The following ECI1 variants were observed in gnomAD, a reference collection of about 807,000 sequenced individuals.
ECI1 encodes the protein enoyl-CoA delta isomerase 1.
In ECI1, 34 loss-of-function variants were observed where a neutral mutation model predicts 34.2. The observed-to-expected ratio is 1.00, with a 90% confidence interval of 0.76 to 1.33. ECI1 has a LOEUF of 1.33. ECI1 is among the 40% of genes most tolerant of loss of function. ECI1 has a pLI of 0.00. For synonymous variants in ECI1, 211 were observed against 193.0 expected (o/e 1.09, Z -0.77); for missense variants, 456 against 422.2 (o/e 1.08, Z -0.70).
chr16:2,251,134 A>G (rs1471256804), intron 2 of ECI1, among the ~76,000 whole-genome samples, 182 bp downstream of exon 2: 1 of 152,230 alleles, frequency 6.6e-6, no homozygotes, highest in Non-Finnish European at 1.5e-5. Context: ...CCAACTTTAA[A>G]AACAGAAACT....
At chr16:2,241,654 T>C (rs1035774358) in intron 6 of ECI1, 4 of 152,116 alleles carry the variant, frequency 2.6e-5, no homozygotes, top group African/African-American at 9.7e-5. Context: ...TTGTGACATG[T>C]GAAAATTATG....
intron 2 of ECI1, among the ~76,000 whole-genome samples, chr16:2,249,637 C>T (rs1397384373): frequency 4.7e-5 from 7 of 149,590 alleles, no homozygotes; most frequent in South Asian, 4.2e-4. Context: ...TTTGGGAGGC[C>T]GAGGCGGGTG....
chr16:2,245,535 G>A (rs530028041), intron 3 of ECI1, among the ~76,000 whole-genome samples: 8 of 152,280 alleles, frequency 5.3e-5, no homozygotes, highest in Admixed American at 1.3e-4. Flanking sequence ...TGGGTAGGCC[G>A]GTCCTTTGTT....
In ECI1 at chr16:2,239,997, G is replaced by A. The variant is rs2093523914; in HGVS notation, c.891C>T (p.Leu297=). The A allele has an allele frequency of 1.2e-6, 2 of 1,613,704 alleles. No homozygotes were observed. The highest frequency in any genetic ancestry group is 1.7e-6 in the Non-Finnish European group (2 of 1,180,036). Residue 297 remains leucine, a synonymous_variant, in exon 7 of 7, where the codon CTC becomes CTT. Transcript: ENST00000301729. ...QKSLQMYLER[L]KEEKG is the part of the protein sequence containing the mutation. ...CCAATCGTTAGCCTTTTTCTTCTTTGAGCCTCTCTAAGTACATCTGCAGGG... is the reference window on the plus strand; with the variant it reads ...CCAATCGTTAGCCTTTTTCTTCTTTAAGCCTCTCTAAGTACATCTGCAGGG...
rs748618022 is a variant in ECI1, at chr16:2,244,415, G to C, written c.432C>G (p.Ser144=). ...GAGTGGGGACACTCACGTTGATGGC[G>C]GAGACCAGCACCAGGTTGGACTGGT... The part of the protein sequence containing the change: ...RLYQSNLVLV[S]AINGACPAGG... The change falls in exon 4 of 7, where the codon TCC becomes TCG. Residue 144 remains serine, a synonymous_variant. Coordinates refer to ENST00000301729, the MANE Select transcript of ECI1 (RefSeq NM_001919.4). 5 of 1,612,356 alleles carry C rather than the reference G, an allele frequency of 3.1e-6. No homozygotes were observed. The highest frequency in any genetic ancestry group is 3.4e-6 in the Non-Finnish European group (4 of 1,179,792).
In ECI1 at chr16:2,251,344, C is replaced by T. The variant is rs1017192129; in HGVS notation, c.138G>A (p.Arg46=). ...GDGARRFGSQ[R]VLVEPDAGAG... ...CGCCCGCGTCCGGCTCCACCAGCAC[C>T]CGCTGGCTCCCGAAGCGCCGCGCGC... is the stretch of plus-strand genomic sequence containing the variant. The change falls in exon 2 of 7, where the codon CGG becomes CGA. Residue 46 remains arginine, a synonymous_variant. Coordinates refer to ENST00000301729, the MANE Select transcript of ECI1 (RefSeq NM_001919.4). 4 of 1,249,036 alleles carry T rather than the reference C, an allele frequency of 3.2e-6. No homozygotes were observed. Among genetic ancestry groups the T allele is most frequent in the South Asian group, 2.9e-5 (1 of 34,438 alleles). The allele number at this position is 1,249,036 out of a possible 1,614,324, so 77.4% of individuals were successfully genotyped here.
Position 2,240,025 on chromosome 16 carries a change from T to A in ECI1, c.863A>T (p.Lys288Met), listed in dbSNP as rs761685164. ...CCTCTCTAAGTACATCTGCAGGGACTTCTGGATGGAGTCTTTGGAGATGAA... is the reference window on the plus strand; with the variant it reads ...CCTCTCTAAGTACATCTGCAGGGACATCTGGATGGAGTCTTTGGAGATGAA... ...VSFISKDSIQ[K>M]SLQMYLERLK... Residue 288 changes from lysine (K) to methionine (M), a missense_variant, in exon 7 of 7, where the codon AAG (lysine) becomes ATG (methionine). Lys to Met is a moderately conservative substitution (Grantham distance 95). Coordinates refer to ENST00000301729, the MANE Select transcript of ECI1 (RefSeq NM_001919.4). 16 of 1,613,844 alleles carry A rather than the reference T, an allele frequency of 9.9e-6. No homozygotes were observed. Among genetic ancestry groups the A allele is most frequent in the Middle Eastern group, 1.6e-4 (1 of 6,084 alleles).
chr16:2,244,917 G>T (rs2093536788), intron 3 of ECI1, among the ~76,000 whole-genome samples: 1 of 152,228 alleles, frequency 6.6e-6, no homozygotes, highest in Non-Finnish European at 1.5e-5. Flanking sequence ...CAGAGGAGCT[G>T]CACGTTCTGA....
At chr16:2,246,177 G>T (rs532556062) in intron 3 of ECI1, among the ~76,000 whole-genome samples, 1 of 152,204 alleles carries the variant, frequency 6.6e-6, no homozygotes, top group Non-Finnish European at 1.5e-5. Flanking sequence ...TGTTGGTAAT[G>T]ACACCGTTCC....
At chr16:2,245,965 A>C (rs2093539256) in intron 3 of ECI1, among the ~76,000 whole-genome samples, 1 of 152,120 alleles carries the variant, frequency 6.6e-6, no homozygotes. Flanking sequence ...ATTCTGTCTC[A>C]ATAAATATAT....
At chr16:2,246,317 A>G (rs940846380) in intron 3 of ECI1, among the ~76,000 whole-genome samples, 1 of 152,206 alleles carries the variant, frequency 6.6e-6, no homozygotes, top group South Asian at 2.1e-4. Flanking sequence ...ATCAGAGAGC[A>G]TGGGTATTGT....
chr16:2,251,311 C>T lies in ECI1; in HGVS notation c.166+5G>A. 1.7e-6 allele frequency: 2 copies of T among 1,203,670 alleles called. No homozygotes were observed. Among genetic ancestry groups the T allele is most frequent in the African/African-American group, 1.6e-5 (1 of 62,390 alleles). 74.6% of individuals were successfully genotyped at this position (1,203,670 alleles called of 1,614,324 possible). A position where few individuals can be genotyped will look rare whatever the true frequency, so the allele number is the denominator to read the frequency against. On this transcript the variant is annotated splice_donor_5th_base_variant and intron_variant, in intron 2 of 6. Coordinates refer to ENST00000301729, the MANE Select transcript of ECI1 (RefSeq NM_001919.4). Reference sequence around the variant, plus strand: ...GCCCGCCCTCCCTCGGCGCCGCCCGCTCACCTGCGCCCGCGTCCGGCTCCA... The same window carrying T: ...GCCCGCCCTCCCTCGGCGCCGCCCGTTCACCTGCGCCCGCGTCCGGCTCCA...
chr16:2,240,220 T>TC (rs1265237728), intron 6 of ECI1, 75 bp from the exon 7 acceptor site: 1 of 1,520,488 alleles, frequency 6.6e-7, no homozygotes, highest in East Asian at 2.4e-5. Context: ...ATTTTTTATT[T>TC]TTATTTTTTG....
chr16:2,247,549 C>T (rs1473102637), intron 2 of ECI1, among the ~76,000 whole-genome samples: 5 of 152,102 alleles, frequency 3.3e-5, no homozygotes, highest in Admixed American at 2.0e-4. Flanking sequence ...AGGTGCGTGC[C>T]GCTACATCCA....
chr16:2,244,319 G>C (rs1387359940), intron 4 of ECI1, 87 bp downstream of exon 4: 16 of 1,463,698 alleles, frequency 1.1e-5, no homozygotes, highest in Non-Finnish European at 1.5e-5. Flanking sequence ...CCCTGTGAGA[G>C]ATTCCAAGGG....
At chr16:2,244,690 G>GC in intron 3 of ECI1, 138 bp from the exon 4 acceptor site, 4 of 910,930 alleles carry the variant, frequency 4.4e-6, no homozygotes, top group Non-Finnish European at 6.7e-6. Flanking sequence ...GCCCCACAGA[G>GC]CCAGGACTAG....
intron 3 of ECI1, among the ~76,000 whole-genome samples, chr16:2,244,978 G>A (rs1292106877): frequency 6.6e-6 from 1 of 152,208 alleles, no homozygotes; most frequent in East Asian, 1.9e-4. Context: ...GTGTGGACCA[G>A]GAAGTGCTAG....
intron 2 of ECI1, among the ~76,000 whole-genome samples, chr16:2,249,207 G>A (rs1023269533): frequency 2.6e-5 from 4 of 151,802 alleles, no homozygotes; most frequent in South Asian, 2.1e-4. Context: ...CACCACGCCC[G>A]GCTAATTTTT....
At chr16:2,249,811 G>A (rs2093548612) in intron 2 of ECI1, among the ~76,000 whole-genome samples, 1 of 139,796 alleles carries the variant, frequency 7.2e-6, no homozygotes, top group African/African-American at 2.7e-5. Flanking sequence ...CCGGGAGGCG[G>A]AGCTTGCAGT....
Sources: allele counts gnomAD v4.1 joint callset (sites outside exome capture counted in the v4.1 genomes callset), GRCh38; gene constraint gnomAD v4.1.1; transcripts MANE v1.5; gene names NCBI Gene and HGNC (gene_info 2026-07-23, HGNC 2026-07-21).